The following NRG3 variants were observed in gnomAD, a reference collection of about 807,000 sequenced individuals.
The protein encoded by NRG3 is pro-neuregulin-3, membrane-bound isoform.
In NRG3, 31 loss-of-function variants were observed where a neutral mutation model predicts 66.9. The ratio of observed to expected loss-of-function variants is 0.46; its 90% CI spans 0.35 to 0.63. The LOEUF (loss-of-function observed/expected upper bound fraction) is 0.63, where lower values mean the gene tolerates loss of function less well. Ranked by LOEUF, NRG3 falls within the 20% of genes least tolerant of loss-of-function variation. The probability of loss-of-function intolerance (pLI) is 0.00; values close to 1 mark genes in which losing one functional copy is unlikely to be tolerated. For synonymous variants in NRG3, 393 were observed against 359.4 expected, an observed-to-expected ratio of 1.09 and a Z score of -1.06; for missense variants, 910 against 878.9, an observed-to-expected ratio of 1.04 and a Z score of -0.45.
At chr10:82,662,898 GT>G (rs1347009983) in intron 2 of NRG3, among the ~76,000 whole-genome samples, 3 of 152,098 alleles carry the variant, frequency 2.0e-5, no homozygotes, top group African/African-American at 7.2e-5. Context: ...CATCCTCAAG[GT>G]TACAAGACAG....
intron 1 of NRG3, among the ~76,000 whole-genome samples, chr10:81,984,686 T>C (rs1236438297): frequency 6.6e-6 from 1 of 152,234 alleles, no homozygotes; most frequent in Non-Finnish European, 1.5e-5. Flanking sequence ...TTGCATTATC[T>C]TCTATGTTTC....
At position 82,928,929 on chromosome 10, in the gene NRG3, C is replaced by T. The variant is rs1004831391; in HGVS notation, c.1055-22540C>T. The stretch of plus-strand genomic sequence containing the variant: ...TGCATAGCTCACTAATCTGAGAAGG[C>T]TGGATTTCACCGAATTGCATGGGAG... On this transcript the variant is annotated intron_variant, in intron 4 of 8. Coordinates refer to ENST00000372141, the MANE Select transcript of NRG3 (RefSeq NM_001010848.4). Among the ~76,000 whole-genome samples the T allele has an allele frequency of 2.6e-5, 4 of 152,208 alleles. No homozygotes were observed. The East Asian group carries it at 7.7e-4, about 29-fold the overall frequency.
chr10:82,956,480 C>A (rs573291713), intron 5 of NRG3, among the ~76,000 whole-genome samples: 2 of 151,764 alleles, frequency 1.3e-5, no homozygotes, highest in Admixed American at 1.3e-4. Flanking sequence ...GGAAGGACCA[C>A]GTATCTTGGA....
At position 82,664,653 on chromosome 10, in the gene NRG3, G is replaced by T. The variant is rs188955690; in HGVS notation, c.954-73924G>T. Among the ~76,000 whole-genome samples the T allele has an allele frequency of 5.3e-4, 81 of 152,096 alleles. 1 individual carries two copies. The highest frequency in any genetic ancestry group is 3.4e-3 in the Middle Eastern group (1 of 294). ...TTATGGATGGAGGGTCTTCAGGGGG[G>T]TCCATGAACTCATAAAATTTGATGG... On this transcript the variant is annotated intron_variant, in intron 2 of 8. Transcript: ENST00000372141.
intron 1 of NRG3, among the ~76,000 whole-genome samples, chr10:82,189,967 T>TA (rs1405755820): frequency 3.3e-5 from 5 of 149,758 alleles, no homozygotes; most frequent in South Asian, 4.4e-4. Context: ...CGCCTGAAAA[T>TA]AAAAAAACAA....
intron 2 of NRG3, among the ~76,000 whole-genome samples, chr10:82,603,507 T>C (rs976144774): frequency 5.9e-5 from 9 of 152,190 alleles, no homozygotes; most frequent in African/African-American, 2.2e-4. Context: ...ACTCTAACTG[T>C]AGTGCAGTCA....
Position 81,885,485 on chromosome 10 carries a change from C to T in NRG3, c.823+9322C>T, listed in dbSNP as rs749856770. On this transcript the variant is annotated intron_variant, in intron 1 of 8. Coordinates refer to ENST00000372141, the MANE Select transcript of NRG3 (RefSeq NM_001010848.4). ...CTAAGAAGGGGAACATTGGTGAGAC[C>T]TTGATATTCTGCCGGGGGTACTACA... Among the ~76,000 whole-genome samples the T allele has an allele frequency of 1.2e-3, 186 of 152,242 alleles. 1 individual carries two copies. The highest frequency in any genetic ancestry group is 1.8e-3 in the Non-Finnish European group (120 of 68,012).
At chr10:82,579,754 T>G (rs1178552400) in intron 2 of NRG3, among the ~76,000 whole-genome samples, 6 of 152,134 alleles carry the variant, frequency 3.9e-5, no homozygotes, top group Middle Eastern at 3.4e-3. Context: ...CTTAATAACT[T>G]AAGAATCTTT....
chr10:82,184,911 A>C (rs2073699688), intron 1 of NRG3, among the ~76,000 whole-genome samples: 1 of 152,168 alleles, frequency 6.6e-6, no homozygotes, highest in African/African-American at 2.4e-5. Context: ...TTTATATCTA[A>C]TTTGAAATGA....
At chr10:82,923,515 C>T (rs369205634) in intron 4 of NRG3, among the ~76,000 whole-genome samples, 1 of 152,188 alleles carries the variant, frequency 6.6e-6, no homozygotes, top group African/African-American at 2.4e-5. Flanking sequence ...TTAGAGTTAC[C>T]TCTAATGCCT....
intron 2 of NRG3, among the ~76,000 whole-genome samples, chr10:82,492,483 G>A (rs532839800): frequency 1.3e-5 from 2 of 152,166 alleles, no homozygotes; most frequent in Admixed American, 6.5e-5. Context: ...TCTGAGACAC[G>A]TTAAGCTTAA....
intron 1 of NRG3, among the ~76,000 whole-genome samples, chr10:81,992,713 T>G (rs1199550752): frequency 6.6e-6 from 1 of 152,140 alleles, no homozygotes; most frequent in Non-Finnish European, 1.5e-5. Flanking sequence ...GTCTTCCCAT[T>G]TAGCTTAGGG....
At chr10:82,359,493 G>A (rs2083986780) in intron 2 of NRG3, among the ~76,000 whole-genome samples, 1 of 152,180 alleles carries the variant, frequency 6.6e-6, no homozygotes, top group Admixed American at 6.5e-5. Context: ...TCAGGAAGGT[G>A]TTTAATTGGT....
chr10:82,862,604 T>A (rs1330053822), intron 3 of NRG3, among the ~76,000 whole-genome samples: 2 of 152,184 alleles, frequency 1.3e-5, no homozygotes, highest in Non-Finnish European at 2.9e-5. Flanking sequence ...CTAGGGGCTA[T>A]CTCTGTCTTT....
At chr10:82,396,799 C>T (rs2086742492) in intron 2 of NRG3, among the ~76,000 whole-genome samples, 1 of 152,010 alleles carries the variant, frequency 6.6e-6, no homozygotes, top group Non-Finnish European at 1.5e-5. Flanking sequence ...CCCTCTCTCA[C>T]TCTGTGTGTG....
At chr10:82,361,460 A>G (rs2084137237) in intron 2 of NRG3, among the ~76,000 whole-genome samples, 1 of 152,178 alleles carries the variant, frequency 6.6e-6, no homozygotes, top group Admixed American at 6.5e-5. Context: ...AAAGGCTTAC[A>G]TTTGTTCCTG....
intron 1 of NRG3, among the ~76,000 whole-genome samples, chr10:82,348,494 C>G (rs1173977835): frequency 1.3e-5 from 2 of 150,590 alleles, no homozygotes; most frequent in East Asian, 2.0e-4. Context: ...TCTGGCTGCT[C>G]TTAACATTTT....
intron 4 of NRG3, among the ~76,000 whole-genome samples, chr10:82,897,239 C>A (rs1231480255): frequency 3.3e-5 from 5 of 152,220 alleles, no homozygotes; most frequent in Admixed American, 3.3e-4. Context: ...GGATTAAACA[C>A]CTTTTGAGAA....
intron 4 of NRG3, among the ~76,000 whole-genome samples, chr10:82,917,964 G>GTATATATA (rs1337255892): frequency 1.7e-4 from 15 of 88,062 alleles, no homozygotes; most frequent in East Asian, 5.5e-4. Context: ...GTGTGTGTGT[G>GTATATATA]TGTGTGTATA....
Sources: gnomAD v4.1 joint callset for allele counts (sites outside exome capture counted in the v4.1 genomes callset) on GRCh38, gnomAD v4.1.1 for gene constraint, MANE v1.5 for transcripts, NCBI Gene and HGNC (gene_info 2026-07-23, HGNC 2026-07-21) for gene names.